DOCK4: variants seen among roughly 807,000 people sequenced by gnomAD.
DOCK4 encodes dedicator of cytokinesis protein 4.
In DOCK4, 97 loss-of-function variants were observed where a neutral mutation model predicts 268.1. The observed-to-expected ratio is 0.36, with a 90% CI of 0.31 to 0.43. The LOEUF (loss-of-function observed/expected upper bound fraction) is 0.43, where lower values mean the gene tolerates loss of function less well. DOCK4 is among the 20% of genes least tolerant of loss of function. The pLI is 1.00. For synonymous variants in DOCK4, 954 were observed against 887.2 expected (o/e 1.08, Z -1.34); for missense variants, 2,145 against 2,455.7 (o/e 0.87, Z 2.67).
At chr7:112,174,672 A>G (rs1818349237) in intron 1 of DOCK4, among the ~76,000 whole-genome samples, 1 of 151,926 alleles carries the variant, frequency 6.6e-6, no homozygotes, top group Non-Finnish European at 1.5e-5. Flanking sequence ...TCTAATCACC[A>G]CCTTAGGATA....
intron 10 of DOCK4, among the ~76,000 whole-genome samples, chr7:111,942,816 C>T (rs577658287): frequency 6.6e-6 from 1 of 152,324 alleles, no homozygotes; most frequent in South Asian, 2.1e-4. Context: ...TAGGGGCTAC[C>T]TGCGTCAGGA....
chr7:112,196,585 G>A (rs929060774), intron 1 of DOCK4, among the ~76,000 whole-genome samples: 2 of 152,122 alleles, frequency 1.3e-5, no homozygotes, highest in African/African-American at 4.8e-5. Flanking sequence ...AGATGCTTCC[G>A]GCAGTAAATG....
chr7:112,176,451 C>G (rs1391396524), intron 1 of DOCK4, among the ~76,000 whole-genome samples: 1 of 152,150 alleles, frequency 6.6e-6, no homozygotes, highest in African/African-American at 2.4e-5. Flanking sequence ...TTGTTCTTCC[C>G]TCTACTGTAA....
intron 38 of DOCK4, among the ~76,000 whole-genome samples, chr7:111,766,323 A>C (rs1028893164): frequency 3.9e-5 from 6 of 152,180 alleles, no homozygotes; most frequent in African/African-American, 1.4e-4. Context: ...CCTCAAAATT[A>C]AAAGGCAATA....
intron 1 of DOCK4, among the ~76,000 whole-genome samples, chr7:112,163,815 T>G (rs969039083): frequency 2.6e-5 from 4 of 152,302 alleles, no homozygotes; most frequent in Admixed American, 2.6e-4. Context: ...CTCTCAACCT[T>G]TATGCCATGG....
At chr7:112,091,536 G>A (rs1322954256) in intron 1 of DOCK4, among the ~76,000 whole-genome samples, 3 of 152,098 alleles carry the variant, frequency 2.0e-5, no homozygotes, top group Non-Finnish European at 4.4e-5. Flanking sequence ...GGTACTCCTG[G>A]TGCTGGGACA....
intron 1 of DOCK4, among the ~76,000 whole-genome samples, chr7:112,025,644 C>A (rs760686935): frequency 2.6e-5 from 4 of 152,136 alleles, no homozygotes; most frequent in Non-Finnish European, 5.9e-5. Flanking sequence ...TTCAATGGAT[C>A]CTCAAGACCA....
At chr7:112,199,423 C>T (rs1820731024) in intron 1 of DOCK4, among the ~76,000 whole-genome samples, 2 of 152,162 alleles carry the variant, frequency 1.3e-5, no homozygotes, top group Non-Finnish European at 2.9e-5. Flanking sequence ...ACTGCAGTTA[C>T]GTTACCAAAG....
chr7:111,944,812 G>T lies in DOCK4; in HGVS notation c.843C>A (p.Ile281=). The change falls in exon 10 of 53, where the codon ATC becomes ATA. Residue 281 remains isoleucine, a splice_region_variant and synonymous_variant. Transcript: ENST00000428084. ...TGCACTGACAAGTGTTATACCTACCGATTCGGATAATGTGCACGGTGATAT... is the reference window on the plus strand; with the variant it reads ...TGCACTGACAAGTGTTATACCTACCTATTCGGATAATGTGCACGGTGATAT... ...DIYITVHIIR[I]GRMGAGEKKN... 1 of 1,613,676 alleles carries T rather than the reference G, an allele frequency of 6.2e-7. No individual in the cohort carries two copies. The highest frequency in any genetic ancestry group is 1.1e-5 in the South Asian group (1 of 91,072).
chr7:111,831,663 T>G (rs1301813161), intron 26 of DOCK4, among the ~76,000 whole-genome samples: 1 of 152,032 alleles, frequency 6.6e-6, no homozygotes, highest in African/African-American at 2.4e-5. Context: ...TTTTACAAAC[T>G]TTTTATAGCG....
intron 1 of DOCK4, among the ~76,000 whole-genome samples, chr7:112,043,672 G>T (rs1291166612): frequency 6.6e-6 from 1 of 151,918 alleles, no homozygotes; most frequent in Non-Finnish European, 1.5e-5. Flanking sequence ...CAGTAGATGC[G>T]AATGTCAGGG....
intron 1 of DOCK4, among the ~76,000 whole-genome samples, chr7:112,018,395 A>C (rs1323590410): frequency 1.3e-5 from 2 of 152,190 alleles, no homozygotes; most frequent in Non-Finnish European, 2.9e-5. Flanking sequence ...TAGCCAAATC[A>C]GGATAAAAAT....
intron 36 of DOCK4, among the ~76,000 whole-genome samples, chr7:111,777,698 G>A (rs1219254262): frequency 6.6e-6 from 1 of 152,062 alleles, no homozygotes; most frequent in Non-Finnish European, 1.5e-5. Context: ...GTCATGGGAG[G>A]GACAAGGTGG....
In DOCK4 at chr7:111,868,132, T is replaced by A; in HGVS notation, c.2132A>T (p.Tyr711Phe). Reference sequence around the variant, plus strand: ...AAACAGCCTTCGAGATTGAACTATATACTTAAAAATGTATTCTTGTGCCTT... The same window carrying A: ...AAACAGCCTTCGAGATTGAACTATAAACTTAAAAATGTATTCTTGTGCCTT... ...VLKAQEYIFK[Y>F]IVQSRRLFSL... The change falls in exon 22 of 53, where the codon TAT (tyrosine) becomes TTT (phenylalanine). Residue 711 changes from tyrosine (Y) to phenylalanine (F), a missense_variant. Transcript: ENST00000428084. The A allele has an allele frequency of 6.3e-7, 1 of 1,595,146 alleles. No individual in the cohort carries two copies. Among genetic ancestry groups the A allele is most frequent in the South Asian group, 1.1e-5 (1 of 87,382 alleles).
At chr7:112,141,646 A>C (rs1814941594) in intron 1 of DOCK4, among the ~76,000 whole-genome samples, 1 of 152,222 alleles carries the variant, frequency 6.6e-6, no homozygotes, top group African/African-American at 2.4e-5. Flanking sequence ...TCTGGAGAAC[A>C]TGGATTGATG....
intron 41 of DOCK4, among the ~76,000 whole-genome samples, chr7:111,756,289 C>CA (rs1346991214): frequency 6.6e-6 from 1 of 152,150 alleles, no homozygotes. Flanking sequence ...GTGGAGCTTG[C>CA]AGTAAGCCGA....
intron 1 of DOCK4, among the ~76,000 whole-genome samples, chr7:112,175,436 T>A (rs1818424196): frequency 6.6e-6 from 1 of 152,162 alleles, no homozygotes; most frequent in African/African-American, 2.4e-5. Flanking sequence ...CTCACAAAAT[T>A]TTATCTTAAG....
chr7:112,049,185 A>G lies in DOCK4; in HGVS notation c.38-45054T>C, dbSNP rs186868552. Among the ~76,000 whole-genome samples the G allele has an allele frequency of 3.3e-5, 5 of 152,328 alleles. No homozygotes were observed. In the East Asian group the frequency reaches 9.7e-4, roughly 29 times the overall value. On this transcript the variant is annotated intron_variant, in intron 1 of 52. Coordinates refer to ENST00000428084, the MANE Select transcript of DOCK4 (RefSeq NM_001363540.2). ...TTAAAAGTCAATTGACTGTTCTAAC[A>G]AAAATAATAATATATTCTGGAGCTT...
At chr7:111,844,529 C>G (rs1586154313) in intron 25 of DOCK4, among the ~76,000 whole-genome samples, 1 of 152,298 alleles carries the variant, frequency 6.6e-6, no homozygotes, top group East Asian at 1.9e-4. Context: ...CATGGTATGA[C>G]TAATATCAAA....
Sources: gnomAD v4.1 joint callset for allele counts (sites outside exome capture counted in the v4.1 genomes callset) on GRCh38, gnomAD v4.1.1 for gene constraint, MANE v1.5 for transcripts, NCBI Gene and HGNC (gene_info 2026-07-23, HGNC 2026-07-21) for gene names.